LIPA: variants seen among roughly 807,000 people sequenced by gnomAD.
LIPA encodes lipase A, lysosomal acid type.
LIPA carries 26 observed loss-of-function variants against 40.6 expected under a neutral mutation model. The observed-to-expected ratio is 0.64, with a 90% CI of 0.47 to 0.89. LIPA has a LOEUF of 0.89. LIPA is among the 40% of genes least tolerant of loss of function. The pLI is 0.00. For missense variants in LIPA, 455 were observed against 479.6 expected (o/e 0.95, Z 0.48); for synonymous variants, 188 against 168.4 (o/e 1.12, Z -0.90).
chr10:89,361,242 C>A (rs1161047076), intron 2 of LIPA, among the ~76,000 whole-genome samples: 3 of 152,170 alleles, frequency 2.0e-5, no homozygotes, highest in African/African-American at 4.8e-5. Flanking sequence ...TGCTCCTAAC[C>A]AATTCTCTTT....
rs3063809 is a variant in LIPA at position 89,247,846 on chromosome 10, TTTTATTTATTTA to T, written c.-1-209_-1-198del. On this transcript the variant is annotated intron_variant, in intron 1 of 9. Transcript: ENST00000336233. ...TTTAAATTTTATTTATTTATTTTTA[TTTTATTTATTTA>T]TTTATTTATTTATTTATTTATTTAT... The T allele has an allele frequency of 0.28, 45,867 of 164,018 alleles. 6,867 individuals are homozygous for T. Among genetic ancestry groups the T allele is most frequent in the South Asian group, 0.43 (2,158 of 5,060 alleles). The allele number at this position is 164,018 out of a possible 1,614,324, so 10.2% of individuals were successfully genotyped here.
intron 1 of LIPA, among the ~76,000 whole-genome samples, chr10:89,250,103 C>CTTTATTTTTTTTTTT (rs1564767193): frequency 1.1e-5 from 1 of 94,066 alleles, no homozygotes; most frequent in African/African-American, 4.8e-5. Context: ...CTTTTCTTTT[C>CTTTATTTTTTTTTTT]TTTCTTTTTT....
At chr10:89,287,252 T>C (rs59685794) in intron 1 of LIPA, among the ~76,000 whole-genome samples, 3,503 of 152,116 alleles carry the variant, frequency 0.023, 160 homozygotes, top group African/African-American at 0.079. Flanking sequence ...GTAAGTCCAT[T>C]CCCTTCTTAA....
chr10:89,393,043 C>A, intron 2 of LIPA: 1 of 887,412 alleles, frequency 1.1e-6, no homozygotes, highest in South Asian at 1.6e-5. Context: ...CCATCAGATT[C>A]ACTTCTGTCT....
intron 1 of LIPA, among the ~76,000 whole-genome samples, chr10:89,312,310 A>G (rs1012092806): frequency 3.9e-5 from 6 of 151,978 alleles, no homozygotes; most frequent in Admixed American, 3.9e-4. Context: ...GCTTGGTGGC[A>G]TGCACCTGTA....
At chr10:89,326,328 C>T (rs1343144003) in intron 1 of LIPA, among the ~76,000 whole-genome samples, 1 of 152,088 alleles carries the variant, frequency 6.6e-6, no homozygotes, top group Non-Finnish European at 1.5e-5. Context: ...TGAATTAAGC[C>T]AGGCACAGAA....
At chr10:89,290,269 A>C (rs1175395206) in intron 1 of LIPA, among the ~76,000 whole-genome samples, 1 of 152,108 alleles carries the variant, frequency 6.6e-6, no homozygotes, top group East Asian at 1.9e-4. Flanking sequence ...CAATTCATCC[A>C]AAACCGTATC....
At chr10:89,266,658 T>G (rs1378160686) in intron 1 of LIPA, among the ~76,000 whole-genome samples, 2 of 152,224 alleles carry the variant, frequency 1.3e-5, no homozygotes. Flanking sequence ...TTATCTTGAG[T>G]GGAAAATAAG....
intron 3 of LIPA, among the ~76,000 whole-genome samples, chr10:89,230,588 G>T (rs979674694): frequency 3.3e-5 from 5 of 152,160 alleles, no homozygotes; most frequent in Non-Finnish European, 5.9e-5. Context: ...TTACAGGTGT[G>T]AGCCACCACG....
chr10:89,362,831 T>C (rs1844031559), intron 2 of LIPA: 7 of 382,728 alleles, frequency 1.8e-5, no homozygotes, highest in Non-Finnish European at 3.4e-5. Flanking sequence ...CTGAAAATCC[T>C]GAATTCAGCA....
At chr10:89,395,141 C>A (rs1844322286) in intron 2 of LIPA, among the ~76,000 whole-genome samples, 1 of 152,104 alleles carries the variant, frequency 6.6e-6, no homozygotes, top group South Asian at 2.1e-4. Context: ...TTCCCTATAG[C>A]ATAGCAGGGT....
intron 2 of LIPA, among the ~76,000 whole-genome samples, chr10:89,369,344 C>G (rs902962735): frequency 6.6e-6 from 1 of 152,170 alleles, no homozygotes; most frequent in Non-Finnish European, 1.5e-5. Flanking sequence ...CTTCCCTCTG[C>G]AAGCTTCTAG....
chr10:89,343,952 T>C (rs1307329002), upstream of LIPA, among the ~76,000 whole-genome samples: 1 of 152,216 alleles, frequency 6.6e-6, no homozygotes, highest in Non-Finnish European at 1.5e-5. Flanking sequence ...CAAACTTTAT[T>C]AATCTTTTAA....
intron 2 of LIPA, among the ~76,000 whole-genome samples, chr10:89,396,032 C>G (rs887568410): frequency 6.6e-6 from 1 of 152,136 alleles, no homozygotes; most frequent in Non-Finnish European, 1.5e-5. Context: ...AATAGTGCTG[C>G]TATCAACATC....
intron 2 of LIPA, among the ~76,000 whole-genome samples, chr10:89,380,000 A>T (rs1844150785): frequency 6.6e-6 from 1 of 150,748 alleles, no homozygotes; most frequent in South Asian, 2.1e-4. Context: ...GCACCACTGC[A>T]CTCCAGCCTG....
rs971806929 is a variant in LIPA, at chr10:89,213,942, A to G, written c.*886T>C. ...ACAAGGACACTTCTCATGGGCAACC[A>G]CGGGGCTTTGGCTTCACACAGATGT... On this transcript the variant is annotated 3_prime_UTR_variant, in exon 10 of 10. Transcript: ENST00000336233. The G allele has an allele frequency of 3.3e-5, 5 of 152,220 alleles. No homozygotes were observed. Among genetic ancestry groups the G allele is most frequent in the Non-Finnish European group, 7.3e-5 (5 of 68,040 alleles). The allele number at this position is 152,220 out of a possible 1,614,324, so 9.4% of individuals were successfully genotyped here. A position where few individuals can be genotyped will look rare whatever the true frequency, so the allele number is the denominator to read the frequency against.
intron 2 of LIPA, among the ~76,000 whole-genome samples, chr10:89,350,669 C>T (rs987205787): frequency 1.3e-5 from 2 of 152,030 alleles, no homozygotes; most frequent in Admixed American, 6.6e-5. Context: ...GGGAAGGATA[C>T]TACAGAAGAG....
At chr10:89,340,474 C>T (rs1047865237) in intron 1 of LIPA, 17 of 150,166 alleles carry the variant, frequency 1.1e-4, no homozygotes, top group African/African-American at 2.4e-4. Flanking sequence ...AGGAGAATGG[C>T]GTGAACCTGG....
At chr10:89,378,828 C>A (rs1844141026) in intron 2 of LIPA, among the ~76,000 whole-genome samples, 2 of 152,166 alleles carry the variant, frequency 1.3e-5, no homozygotes, top group African/African-American at 4.8e-5. Context: ...AGCAGCAATG[C>A]TCTTAAGGAA....
Sources: allele counts gnomAD v4.1 joint callset (sites outside exome capture counted in the v4.1 genomes callset), GRCh38; gene constraint gnomAD v4.1.1; transcripts MANE v1.5; gene names NCBI Gene and HGNC (gene_info 2026-07-23, HGNC 2026-07-21).